BDH2: variants seen among roughly 807,000 people sequenced by gnomAD.
BDH2 encodes the protein dehydrogenase/reductase SDR family member 6.
A neutral mutation model predicts 33.2 loss-of-function variants in BDH2; 24 were observed. That is an observed-to-expected ratio of 0.72 (90% CI 0.52 to 1.02). The LOEUF (loss-of-function observed/expected upper bound fraction) is 1.02, where lower values mean the gene tolerates loss of function less well. BDH2 is among the 50% of genes least tolerant of loss of function. The pLI, the probability that BDH2 is intolerant of heterozygous loss-of-function variation, is 0.00. For synonymous variants in BDH2, 81 were observed against 101.6 expected (o/e 0.80, Z 1.22); for missense variants, 249 against 301.6 (o/e 0.83, Z 1.29).
At chr4:103,088,079 G>A in intron 5 of BDH2, among the ~76,000 whole-genome samples, 1 of 152,172 alleles carries the variant, frequency 6.6e-6, no homozygotes, top group Non-Finnish European at 1.5e-5. Flanking sequence ...GAGGCTGACT[G>A]TAACCCAACC....
intron 1 of BDH2, chr4:103,098,829 C>T (rs1422228321): frequency 6.6e-6 from 1 of 152,170 alleles, no homozygotes; most frequent in East Asian, 1.9e-4. Flanking sequence ...ATATTTAATT[C>T]TATCTTGGAG....
In BDH2 at chr4:103,082,095, A is replaced by G; in HGVS notation, c.670T>C (p.Leu224=). 6 of 1,614,114 alleles carry G rather than the reference A, an allele frequency of 3.7e-6. No individual in the cohort carries two copies. Among genetic ancestry groups the G allele is most frequent in the Non-Finnish European group, 5.1e-6 (6 of 1,179,934 alleles). The stretch of plus-strand genomic sequence containing the variant: ...ATAGTGCTTACTTCATCAGAAGCCA[A>G]ATACACGCAGAGCATGGCTATTTCT... ...AEEIAMLCVY[L]ASDESAYVTG... is the part of the protein sequence containing the mutation. The change falls in exon 9 of 10, where the codon TTG becomes CTG. Residue 224 remains leucine, a synonymous_variant. Coordinates refer to ENST00000296424, the MANE Select transcript of BDH2 (RefSeq NM_020139.4).
chr4:103,086,296 C>T, intron 6 of BDH2, 184 bp downstream of exon 6: 6 of 1,304,702 alleles, frequency 4.6e-6, no homozygotes, highest in East Asian at 2.9e-5. Flanking sequence ...TTAATTTTAC[C>T]ACTGGCTCAC....
rs770509822 is a variant in BDH2, at chr4:103,085,465, G to T, written c.419-3C>A. 2 of 1,607,770 alleles carry T rather than the reference G, an allele frequency of 1.2e-6. No homozygotes were observed. The highest frequency in any genetic ancestry group is 2.7e-5 in the African/African-American group (2 of 74,806). Reference sequence around the variant, plus strand: ...GTACACACATCTGTTCACAACTCCTGAGGGTGGAGGAAAGGTTCAACAATT... The same window carrying T: ...GTACACACATCTGTTCACAACTCCTTAGGGTGGAGGAAAGGTTCAACAATT... On this transcript the variant is annotated splice_polypyrimidine_tract_variant and splice_region_variant and intron_variant, in intron 6 of 9. Transcript: ENST00000296424.
rs574369791 is a variant in BDH2 at position 103,094,786 on chromosome 4, T to C, written c.151+417A>G. 1.2e-4 allele frequency among the ~76,000 whole-genome samples: 19 copies of C among 152,270 alleles called. No homozygotes were observed. The East Asian group carries it at 3.3e-3, about 26-fold the overall frequency. On this transcript the variant is annotated intron_variant, in intron 3 of 9. Transcript: ENST00000296424. ...TTAAATTAATTTTCACTTGATTCTT[T>C]TTACTTTTTTAATGTGGATACTAGA... is the stretch of plus-strand genomic sequence containing the variant.
At position 103,078,987 on chromosome 4, in the gene BDH2, C is replaced by T. The variant is rs75637983; in HGVS notation, c.*715G>A. On this transcript the variant is annotated 3_prime_UTR_variant, in exon 10 of 10. Coordinates refer to ENST00000296424, the MANE Select transcript of BDH2 (RefSeq NM_020139.4). ...GCTACCATGCCTAGTCCTGAAATTA[C>T]TATCTTCTTCCTTAACCCCCATCTC... Among the ~76,000 whole-genome samples, 2,723 of 152,294 alleles carry T rather than the reference C, an allele frequency of 0.018. 70 individuals carry two copies. The highest frequency in any genetic ancestry group is 0.059 in the African/African-American group (2,442 of 41,568).
At chr4:103,098,985 G>C (rs1306324954) in intron 1 of BDH2, 2 of 152,064 alleles carry the variant, frequency 1.3e-5, no homozygotes, top group African/African-American at 4.8e-5. Flanking sequence ...CTACTTTGAT[G>C]CAATGAATTT....
At chr4:103,088,709 C>T (rs902210582) in intron 5 of BDH2, among the ~76,000 whole-genome samples, 2 of 152,216 alleles carry the variant, frequency 1.3e-5, no homozygotes, top group Admixed American at 1.3e-4. Flanking sequence ...GGAGCTGTAT[C>T]TAGTTAGTCT....
At chr4:103,087,965 A>G (rs1428214471) in intron 5 of BDH2, among the ~76,000 whole-genome samples, 2 of 152,196 alleles carry the variant, frequency 1.3e-5, no homozygotes, top group African/African-American at 4.8e-5. Flanking sequence ...TTCTTAGGAT[A>G]TTCTTCTGAC....
At chr4:103,090,493 C>T (rs1211951994) in intron 5 of BDH2, among the ~76,000 whole-genome samples, 3 of 152,102 alleles carry the variant, frequency 2.0e-5, no homozygotes, top group African/African-American at 7.2e-5. Context: ...GGGGTACATC[C>T]CTCTTGAGAG....
At chr4:103,089,799 TTTCTCATA>T (rs1747986786) in intron 5 of BDH2, among the ~76,000 whole-genome samples, 1 of 152,110 alleles carries the variant, frequency 6.6e-6, no homozygotes, top group Non-Finnish European at 1.5e-5. Context: ...AATACTATAG[TTTCTCATA>T]AACTCCAAAT....
At chr4:103,087,538 T>TCACCA (rs1747853573) in intron 5 of BDH2, among the ~76,000 whole-genome samples, 2 of 152,192 alleles carry the variant, frequency 1.3e-5, no homozygotes, top group African/African-American at 4.8e-5. Flanking sequence ...CTCACCAATT[T>TCACCA]AGGGCAGTGT....
At chr4:103,092,098 T>C (rs1271503780) in intron 4 of BDH2, among the ~76,000 whole-genome samples, 1 of 152,204 alleles carries the variant, frequency 6.6e-6, no homozygotes, top group Non-Finnish European at 1.5e-5. Context: ...TTATAAAATA[T>C]TGTTGGCTGT....
intron 7 of BDH2, among the ~76,000 whole-genome samples, chr4:103,084,417 C>A (rs1290169130): frequency 6.6e-6 from 1 of 152,192 alleles, no homozygotes; most frequent in Admixed American, 6.5e-5. Context: ...CATACTCAGT[C>A]CTCCTCAAGT....
At chr4:103,080,847 C>T (rs1413838477) in intron 9 of BDH2, among the ~76,000 whole-genome samples, 2 of 152,248 alleles carry the variant, frequency 1.3e-5, no homozygotes, top group Non-Finnish European at 2.9e-5. Context: ...AGAGAAATCA[C>T]AAAGGCTCAT....
At chr4:103,082,044 T>G (rs753696253) in intron 9 of BDH2, 37 bp downstream of exon 9, 3 of 1,546,106 alleles carry the variant, frequency 1.9e-6, no homozygotes, top group Non-Finnish European at 1.8e-6. Context: ...CAAATGTGAT[T>G]GAGGGTAATG....
At chr4:103,084,999 T>G (rs1747707412) in intron 7 of BDH2, among the ~76,000 whole-genome samples, 1 of 152,236 alleles carries the variant, frequency 6.6e-6, no homozygotes, top group Non-Finnish European at 1.5e-5. Context: ...ATTATAATCC[T>G]TATTAGATAC....
At position 103,096,193 on chromosome 4, in the gene BDH2, G is replaced by T. The variant is rs1396124725; in HGVS notation, c.62C>A (p.Ala21Glu). The T allele has an allele frequency of 6.2e-7, 1 of 1,612,488 alleles. No individual in the cohort carries two copies. The highest frequency in any genetic ancestry group is 1.7e-5 in the Admixed American group (1 of 60,008). Reference protein sequence around the residue: ...LTAAAQGIGQAAALAFAREGA... With the variant: ...LTAAAQGIGQEAALAFAREGA... ...TAACTTATAACTTACTAAGGCAGCT[G>T]CTTGGCCAATCCCCTGAGCAGCGGC... The change falls in exon 2 of 10, where the codon GCA becomes GAA. Residue 21 changes from alanine (A) to glutamate (E), a missense_variant. By Grantham distance (107) the Ala-to-Glu change is moderately radical. Coordinates refer to ENST00000296424, the MANE Select transcript of BDH2 (RefSeq NM_020139.4).
Position 103,086,401 on chromosome 4 carries a change from C to T in BDH2, c.418+79G>A. ...TCAATACTTGAAATTATAATCTCTG[C>T]TATGCCTGTTCCCAAACGCAGAGCT... On this transcript the variant is annotated intron_variant, in intron 6 of 9. Transcript: ENST00000296424. 3 of 1,526,284 alleles carry T rather than the reference C, an allele frequency of 2.0e-6. No individual in the cohort carries two copies. The South Asian group carries it at 3.8e-5, about 20-fold the overall frequency. The allele number at this position is 1,526,284 out of a possible 1,614,324, so 94.5% of individuals were successfully genotyped here.
Sources: allele counts gnomAD v4.1 joint callset (sites outside exome capture counted in the v4.1 genomes callset), GRCh38; gene constraint gnomAD v4.1.1; transcripts MANE v1.5; gene names NCBI Gene and HGNC (gene_info 2026-07-23, HGNC 2026-07-21).